Variants in TMED8 observed in about 807,000 individuals in gnomAD.
TMED8 encodes transmembrane p24 trafficking protein family member 8.
In TMED8, 15 loss-of-function variants were observed where a neutral mutation model predicts 32.7. That is an observed-to-expected ratio of 0.46 (90% CI 0.31 to 0.71). TMED8 has a LOEUF of 0.71. Ranked by LOEUF, TMED8 falls within the 30% of genes least tolerant of loss-of-function variation. The probability of loss-of-function intolerance (pLI) is 0.06; values close to 1 mark genes in which losing one functional copy is unlikely to be tolerated. For missense variants in TMED8, 390 were observed against 423.9 expected, an observed-to-expected ratio of 0.92 and a Z score of 0.70; for synonymous variants, 147 against 161.4, an observed-to-expected ratio of 0.91 and a Z score of 0.68.
At chr14:77,344,231 G>T (rs945247188) in intron 3 of TMED8, among the ~76,000 whole-genome samples, 6 of 152,226 alleles carry the variant, frequency 3.9e-5, no homozygotes, top group Admixed American at 3.9e-4. Flanking sequence ...GGTTTAGTTT[G>T]ACTCCCACTC....
Position 77,377,050 on chromosome 14 carries a change from A to C in TMED8, c.4T>G (p.Ser2Ala), listed in dbSNP as rs1893838474. 1.5e-6 allele frequency: 2 copies of C among 1,366,352 alleles called. No individual in the cohort carries two copies. The highest frequency in any genetic ancestry group is 1.9e-6 in the Non-Finnish European group (2 of 1,066,552). 84.6% of individuals were successfully genotyped at this position (1,366,352 alleles called of 1,614,324 possible). M[S>A]DLQAAEGPGS... ...GGCCCCTCAGCCGCCTGCAGGTCAG[A>C]CATCTGCAGCCCGCGCACGGAGCTC... Residue 2 changes from serine (S) to alanine (A), a missense_variant, in exon 1 of 6, where the codon TCT (serine) becomes GCT (alanine). By Grantham distance (99) the Ser-to-Ala change is moderately conservative. Transcript: ENST00000216468.
chr14:77,363,424 T>A (rs957474287), intron 1 of TMED8, among the ~76,000 whole-genome samples: 6 of 152,098 alleles, frequency 3.9e-5, no homozygotes. Context: ...AATGGAAATA[T>A]AACATACTAA....
intron 1 of TMED8, among the ~76,000 whole-genome samples, chr14:77,357,544 A>G (rs1030238056): frequency 2.0e-5 from 3 of 152,230 alleles, no homozygotes; most frequent in South Asian, 2.1e-4. Flanking sequence ...TAAAGACTTG[A>G]TCCTTCACCA....
intron 3 of TMED8, among the ~76,000 whole-genome samples, chr14:77,345,137 G>A (rs542765852): frequency 6.6e-6 from 1 of 152,208 alleles, no homozygotes; most frequent in African/African-American, 2.4e-5. Context: ...ACAGACACCT[G>A]CCAACACGCC....
At position 77,343,751 on chromosome 14, in the gene TMED8, C is replaced by T; in HGVS notation, c.400G>A (p.Asp134Asn). 1 of 1,614,202 alleles carries T rather than the reference C, an allele frequency of 6.2e-7. No homozygotes were observed. ...MIQSEHTGAI[D>N]VLSADLESAD... Reference sequence around the variant, plus strand: ...GATTCCAAATCAGCTGAAAGAACATCTATAGCTCCTGTATGTTCAGACTGG... The same window carrying T: ...GATTCCAAATCAGCTGAAAGAACATTTATAGCTCCTGTATGTTCAGACTGG... Residue 134 changes from aspartate to asparagine, a missense_variant, in exon 4 of 6, where the codon GAT (aspartate) becomes AAT (asparagine). Coordinates refer to ENST00000216468, the MANE Select transcript of TMED8 (RefSeq NM_213601.3).
chr14:77,345,862 C>G (rs1342521311), intron 3 of TMED8, among the ~76,000 whole-genome samples: 1 of 148,224 alleles, frequency 6.7e-6, no homozygotes, highest in Admixed American at 6.9e-5. Context: ...CCCAGCTACT[C>G]GGGAGGCGAG....
chr14:77,335,762 G>C lies in TMED8; in HGVS notation c.*6009C>G, dbSNP rs193294155. ...GGGTACACCAGATTCATGGGTTACA[G>C]GATTGCTTTCTCTAGACTTGGCTTC... On this transcript the variant is annotated 3_prime_UTR_variant, in exon 6 of 6. Coordinates refer to ENST00000216468, the MANE Select transcript of TMED8 (RefSeq NM_213601.3). 3.3e-5 allele frequency: 5 copies of C among 152,314 alleles called. No individual in the cohort carries two copies. The highest frequency in any genetic ancestry group is 1.2e-4 in the African/African-American group (5 of 41,560). 9.4% of individuals were successfully genotyped at this position (152,314 alleles called of 1,614,324 possible).
chr14:77,347,588 G>C (rs1305783946), intron 2 of TMED8, among the ~76,000 whole-genome samples: 1 of 152,218 alleles, frequency 6.6e-6, no homozygotes, highest in Non-Finnish European at 1.5e-5. Context: ...TTTTAGTAGA[G>C]ACAGTGTTTC....
chr14:77,375,374 T>C (rs1219628349), intron 1 of TMED8, among the ~76,000 whole-genome samples: 3 of 152,076 alleles, frequency 2.0e-5, no homozygotes, highest in African/African-American at 7.2e-5. Flanking sequence ...AACGCGTGGG[T>C]ACGTTTGCCA....
At position 77,346,356 on chromosome 14, in the gene TMED8, AG is replaced by A. The variant is rs1893032924; in HGVS notation, c.319del (p.Leu107SerfsTer18). 3 of 1,613,996 alleles carry A rather than the reference AG, an allele frequency of 1.9e-6. No individual in the cohort carries two copies. Among genetic ancestry groups the A allele is most frequent in the Non-Finnish European group, 2.5e-6 (3 of 1,180,000 alleles). On this transcript the variant is annotated frameshift_variant, in exon 3 of 6. Transcript: ENST00000216468. LOFTEE classifies it high-confidence loss of function. ...DLLPADQAQVLNEMAKYQVPQ... is the reference protein window; with the variant it reads ...DLLPADQAQVXNEMAKYQVPQ... ...CCAGAATCTGCCCCCTACCTCATTG[AG>A]GACCTGGGCCTGGTCTGCAGGCAGC...
In TMED8 at chr14:77,341,840, G is replaced by A. The variant is rs759414872; in HGVS notation, c.909C>T (p.Leu303=). The A allele has an allele frequency of 3.7e-6, 6 of 1,613,820 alleles. No individual in the cohort carries two copies. The African/African-American group carries it at 6.7e-5, about 18-fold the overall frequency. The change falls in exon 6 of 6, where the codon CTC becomes CTT. Residue 303 remains leucine (L), a synonymous_variant. Transcript: ENST00000216468. ...GCAGGGAGTAGGAGTTGTCGAACTT[G>A]AGCAGGTAGATGCCCTCACCAGGGT... The part of the protein sequence containing the change: ...HDYPGEGIYL[L]KFDNSYSLLR...
Position 77,376,795 on chromosome 14 carries a change from G to C in TMED8, c.118+141C>G. ...CCCGGGTGGTGGCAGCGGCGGGGAA[G>C]GGGCCCCGCGCGCGAAGGGGCTGCC... On this transcript the variant is annotated intron_variant, in intron 1 of 5. Coordinates refer to ENST00000216468, the MANE Select transcript of TMED8 (RefSeq NM_213601.3). The surrounding 1 kb of genome is among the most constrained non-coding windows in gnomAD (Gnocchi z 4.0). The C allele has an allele frequency of 2.5e-6, 1 of 403,896 alleles. No homozygotes were observed. The highest frequency in any genetic ancestry group is 4.2e-6 in the Non-Finnish European group (1 of 238,624). 25.0% of individuals were successfully genotyped at this position (403,896 alleles called of 1,614,324 possible). A position where few individuals can be genotyped will look rare whatever the true frequency, so the allele number is the denominator to read the frequency against.
chr14:77,365,982 G>A (rs1893544194), intron 1 of TMED8, among the ~76,000 whole-genome samples: 1 of 152,194 alleles, frequency 6.6e-6, no homozygotes, highest in Non-Finnish European at 1.5e-5. Context: ...AAAATAATTA[G>A]ATAGTCAAAT....
intron 1 of TMED8, among the ~76,000 whole-genome samples, chr14:77,367,254 A>AAAC (rs577377849): frequency 0.016 from 2,381 of 150,936 alleles, 55 homozygotes; most frequent in Middle Eastern, 0.063. Flanking sequence ...AAAAAAAAAA[A>AAAC]AAAAAAAAAA....
chr14:77,343,357 C>T lies in TMED8; in HGVS notation c.581G>A (p.Arg194Gln), dbSNP rs867590039. 12 of 1,613,998 alleles carry T rather than the reference C, an allele frequency of 7.4e-6. No homozygotes were observed. Among genetic ancestry groups the T allele is most frequent in the Non-Finnish European group, 1.0e-5 (12 of 1,180,038 alleles). ...VVKRGEVVTI[R>Q]VPTHPEGKRV... Reference sequence around the variant, plus strand: ...CTTCCCCTCTGGATGAGTAGGTACCCGGATGGTCACCACCTCACCACGCTT... The same window carrying T: ...CTTCCCCTCTGGATGAGTAGGTACCTGGATGGTCACCACCTCACCACGCTT... Residue 194 changes from arginine to glutamine, a missense_variant, in exon 5 of 6, where the codon CGG becomes CAG. Arg to Gln is a conservative substitution (Grantham distance 43, BLOSUM62 1). Coordinates refer to ENST00000216468, the MANE Select transcript of TMED8 (RefSeq NM_213601.3).
rs982809265 is a variant in TMED8, at chr14:77,339,924, A to G, written c.*1847T>C. The G allele has an allele frequency of 4.6e-5, 7 of 152,238 alleles. No homozygotes were observed. The highest frequency in any genetic ancestry group is 8.8e-5 in the Non-Finnish European group (6 of 68,058). The allele number at this position is 152,238 out of a possible 1,614,324, so 9.4% of individuals were successfully genotyped here. A position where few individuals can be genotyped will look rare whatever the true frequency, so the allele number is the denominator to read the frequency against. ...AGATGCTACTAGGGACCCACTGGGA[A>G]GAGTCCCGTTCCTTGAGTTATGCTA... On this transcript the variant is annotated 3_prime_UTR_variant, in exon 6 of 6. Transcript: ENST00000216468.
chr14:77,377,049 G>C lies in TMED8; in HGVS notation c.5C>G (p.Ser2Cys), dbSNP rs922660658. The C allele has an allele frequency of 7.3e-7, 1 of 1,366,522 alleles. No homozygotes were observed. Among genetic ancestry groups the C allele is most frequent in the Non-Finnish European group, 9.4e-7 (1 of 1,066,536 alleles). 84.6% of individuals were successfully genotyped at this position (1,366,522 alleles called of 1,614,324 possible). MSDLQAAEGPGS... is the reference protein window; with the variant it reads MCDLQAAEGPGS... ...CGGCCCCTCAGCCGCCTGCAGGTCA[G>C]ACATCTGCAGCCCGCGCACGGAGCT... Residue 2 changes from serine to cysteine, a missense_variant, in exon 1 of 6, where the codon TCT (serine) becomes TGT (cysteine). Physicochemically the swap from Ser to Cys is moderately radical, Grantham distance 112. Coordinates refer to ENST00000216468, the MANE Select transcript of TMED8 (RefSeq NM_213601.3).
intron 1 of TMED8, among the ~76,000 whole-genome samples, chr14:77,372,950 ATAT>A (rs1893727219): frequency 6.6e-5 from 1 of 15,120 alleles, no homozygotes. Flanking sequence ...ATATATATAT[ATAT>A]TTTTTTTTTT....
chr14:77,375,475 T>A, intron 1 of TMED8, among the ~76,000 whole-genome samples: 1 of 152,226 alleles, frequency 6.6e-6, no homozygotes, highest in East Asian at 1.9e-4. Context: ...AGACTTACCT[T>A]TCTGTGTTTA....
Sources: allele counts gnomAD v4.1 joint callset (sites outside exome capture counted in the v4.1 genomes callset), GRCh38; gene constraint gnomAD v4.1.1; non-coding constraint Gnocchi (gnomAD v3.1); transcripts MANE v1.5; gene names NCBI Gene and HGNC (gene_info 2026-07-23, HGNC 2026-07-21).